F5: variants seen among roughly 807,000 people sequenced by gnomAD.
F5 encodes coagulation factor V.
A neutral mutation model predicts 216.4 loss-of-function variants in F5; 138 were observed. That is an observed-to-expected ratio of 0.64 (90% CI 0.56 to 0.73). F5 has a LOEUF of 0.73. F5 is among the 30% of genes least tolerant of loss of function. The probability of loss-of-function intolerance (pLI) is 0.00; values close to 1 mark genes in which losing one functional copy is unlikely to be tolerated. For missense variants in F5, 2,403 were observed against 2,674.0 expected, an observed-to-expected ratio of 0.90 and a Z score of 2.24; for synonymous variants, 916 against 930.7, an observed-to-expected ratio of 0.98 and a Z score of 0.29.
chr1:169,578,832 T>C (rs1050862142), intron 2 of F5, among the ~76,000 whole-genome samples: 28 of 152,286 alleles, frequency 1.8e-4, no homozygotes, highest in African/African-American at 6.3e-4. Context: ...TGGTAGCCAT[T>C]CTACCTAAGG....
At chr1:169,578,342 C>A (rs565625834) in intron 2 of F5, among the ~76,000 whole-genome samples, 66 of 152,316 alleles carry the variant, frequency 4.3e-4, no homozygotes, top group Admixed American at 7.9e-4. Flanking sequence ...CAGAGTCTAC[C>A]TCTAACAAGG....
At chr1:169,576,572 T>C (rs2101842866) in intron 2 of F5, among the ~76,000 whole-genome samples, 1 of 152,306 alleles carries the variant, frequency 6.6e-6, no homozygotes, top group African/African-American at 2.4e-5. Context: ...AAGCTCTCCC[T>C]ATTCCTTCCA....
In F5 at chr1:169,536,530, T is replaced by A. The variant is rs769973165; in HGVS notation, c.4947A>T (p.Arg1649Ser). ...CTTGGATAACATCATCCACTTCAGC[T>A]CTGATAATAGGACCAAGAATTCCGA... ...EHLGILGPII[R>S]AEVDDVIQVR... Residue 1649 changes from arginine (R) to serine (S), a missense_variant, in exon 14 of 25, where the codon AGA becomes AGT. By Grantham distance (110) the Arg-to-Ser change is moderately radical. Around this residue, in one of 4 missense-constraint regions of F5, gnomAD observed 659 missense variants for 787.9 expected, o/e 0.84. Coordinates refer to ENST00000367797, the MANE Select transcript of F5 (RefSeq NM_000130.5). 6.2e-7 allele frequency: 1 copy of A among 1,613,496 alleles called. No individual in the cohort carries two copies. The highest frequency in any genetic ancestry group is 1.1e-5 in the South Asian group (1 of 91,068).
intron 10 of F5, among the ~76,000 whole-genome samples, chr1:169,549,234 A>G (rs1021677387): frequency 4.6e-5 from 7 of 152,240 alleles, no homozygotes; most frequent in Non-Finnish European, 8.8e-5. Flanking sequence ...AGACAAACTC[A>G]GAAATTCAGT....
intron 5 of F5, among the ~76,000 whole-genome samples, chr1:169,557,559 T>C (rs1660361399): frequency 6.6e-6 from 1 of 152,166 alleles, no homozygotes; most frequent in Non-Finnish European, 1.5e-5. Context: ...GAAGGAGTAG[T>C]GATAACTGAA....
rs1424752536 is a variant in F5, at chr1:169,556,746, T to G, written c.852A>C (p.Ser284=). The G allele has an allele frequency of 1.2e-6, 2 of 1,614,108 alleles. No individual in the cohort carries two copies. The highest frequency in any genetic ancestry group is 4.5e-5 in the East Asian group (2 of 44,882). The part of the protein sequence containing the change: ...QVLEQNHHKV[S]AITLVSATST... Reference sequence around the variant, plus strand: ...ATGTAGCACTGACAAGGGTGATGGCTGAGACCTTATGATGGTTCTGCTCCA... The same window carrying G: ...ATGTAGCACTGACAAGGGTGATGGCGGAGACCTTATGATGGTTCTGCTCCA... Residue 284 remains serine, a synonymous_variant, in exon 6 of 25, where the codon TCA becomes TCC. Transcript: ENST00000367797.
intron 1 of F5, among the ~76,000 whole-genome samples, chr1:169,584,250 A>T (rs966486139): frequency 1.3e-5 from 2 of 152,208 alleles, no homozygotes; most frequent in Admixed American, 6.5e-5. Context: ...GTCTATTTTG[A>T]TCTGAACAAT....
chr1:169,575,014 GAC>G (rs1660812469), intron 2 of F5, among the ~76,000 whole-genome samples: 1 of 152,130 alleles, frequency 6.6e-6, no homozygotes, highest in Non-Finnish European at 1.5e-5. Flanking sequence ...TAGTAGGAAA[GAC>G]AGATTTTAAA....
chr1:169,559,226 A>G lies in F5; in HGVS notation c.657T>C (p.Asp219=). Residue 219 remains aspartate, a synonymous_variant, in exon 5 of 25, where the codon GAT becomes GAC. Coordinates refer to ENST00000367797, the MANE Select transcript of F5 (RefSeq NM_000130.5). ...KQIVLLFAVF[D]ESKSWSQSSS... ...ATGACTGGCTCCAGCTCTTGCTTTC[A>G]TCAAACACAGCAAATAGTAGCACGA... 1 of 1,613,822 alleles carries G rather than the reference A, an allele frequency of 6.2e-7. No individual in the cohort carries two copies. The highest frequency in any genetic ancestry group is 1.1e-5 in the South Asian group (1 of 91,080).
chr1:169,566,709 A>T (rs1490649062), intron 3 of F5, among the ~76,000 whole-genome samples: 3 of 152,008 alleles, frequency 2.0e-5, no homozygotes, highest in Non-Finnish European at 4.4e-5. Context: ...ATAATTTAAG[A>T]TAATATAATC....
intron 16 of F5, 90 bp from the exon 17 acceptor site, chr1:169,528,184 C>G (rs1659504038): frequency 6.7e-7 from 1 of 1,494,894 alleles, no homozygotes; most frequent in Non-Finnish European, 9.2e-7. Flanking sequence ...CACTCAACAC[C>G]CATGTTCCTC....
intron 21 of F5, among the ~76,000 whole-genome samples, chr1:169,521,899 G>A (rs1014142722): frequency 3.3e-5 from 5 of 151,322 alleles, no homozygotes; most frequent in East Asian, 4.0e-4. Flanking sequence ...GATTACAGAC[G>A]TGAGCCACTG....
rs1270825994 is a variant in F5, at chr1:169,540,562, G to A, written c.4528C>T (p.Leu1510=). ...DTFLSKEFNP[L]VIVGLSKDGT... is the part of the protein sequence containing the mutation. ...TCTTTACTGAGGCCCACTATAACCA[G>A]TGGATTAAATTCCTTTGATAGAAAA... Residue 1510 remains leucine (L), a synonymous_variant, in exon 13 of 25, where the codon CTG becomes TTG. Coordinates refer to ENST00000367797, the MANE Select transcript of F5 (RefSeq NM_000130.5). The A allele has an allele frequency of 2.4e-5, 38 of 1,613,900 alleles. No homozygotes were observed. The highest frequency in any genetic ancestry group is 3.2e-5 in the Non-Finnish European group (38 of 1,179,990).
At chr1:169,533,661 T>C (rs532466248) in intron 14 of F5, among the ~76,000 whole-genome samples, 1 of 152,192 alleles carries the variant, frequency 6.6e-6, no homozygotes, top group African/African-American at 2.4e-5. Context: ...ACATCACTAA[T>C]CATCAGAGAA....
At chr1:169,582,836 T>A (rs1661019290) in intron 1 of F5, among the ~76,000 whole-genome samples, 2 of 152,222 alleles carry the variant, frequency 1.3e-5, no homozygotes, top group Non-Finnish European at 2.9e-5. Flanking sequence ...GGTTTAGATT[T>A]TATATGATTA....
chr1:169,527,957 C>A lies in F5; in HGVS notation c.5557G>T (p.Gly1853Cys), dbSNP rs747159705. 2 of 1,613,760 alleles carry A rather than the reference C, an allele frequency of 1.2e-6. No individual in the cohort carries two copies. Among genetic ancestry groups the A allele is most frequent in the Non-Finnish European group, 1.7e-6 (2 of 1,179,826 alleles). ...ACCCCTAACTGGTGCTGTTTATTGC[C>A]ATTTTCCAGCAAGGTCTGGCCGTGA... ...HFHGQTLLEN[G>C]NKQHQLGVWP... Residue 1853 changes from glycine to cysteine, a missense_variant, in exon 17 of 25, where the codon GGC becomes TGC. Physicochemically the swap from Gly to Cys is radical, Grantham distance 159. Coordinates refer to ENST00000367797, the MANE Select transcript of F5 (RefSeq NM_000130.5).
chr1:169,560,474 C>A (rs1159633143), intron 4 of F5, 80 bp downstream of exon 4: 1 of 1,383,686 alleles, frequency 7.2e-7, no homozygotes, highest in South Asian at 1.2e-5. Flanking sequence ...TACCAAGATG[C>A]TCCCAAGCTT....
At chr1:169,544,242 T>C in intron 12 of F5, 54 bp downstream of exon 12, 1 of 1,511,308 alleles carries the variant, frequency 6.6e-7, no homozygotes, top group Non-Finnish European at 9.2e-7. Flanking sequence ...CAGACCTTTA[T>C]AGACCAGAAA....
rs1370664725 is a variant in F5 at position 169,525,984 on chromosome 1, T to C, written c.5633A>G (p.Lys1878Arg). Residue 1878 changes from lysine (K) to arginine (R), a missense_variant, in exon 18 of 25, where the codon AAA becomes AGA. Transcript: ENST00000367797. ...TGTGTTTAGGAGCCACCAGCCAGGT[T>C]TTGATGCCTTCATTTCAAGAGTTTT... The part of the protein sequence containing the change: ...SFKTLEMKAS[K>R]PGWWLLNTEV... 3 of 1,613,008 alleles carry C rather than the reference T, an allele frequency of 1.9e-6. No individual in the cohort carries two copies. The highest frequency in any genetic ancestry group is 4.5e-5 in the East Asian group (2 of 44,868).
Sources: allele counts gnomAD v4.1 joint callset (sites outside exome capture counted in the v4.1 genomes callset), GRCh38; gene constraint gnomAD v4.1.1; regional missense constraint gnomAD v4.1.1; transcripts MANE v1.5; gene names NCBI Gene and HGNC (gene_info 2026-07-23, HGNC 2026-07-21).